The following PASD1 variants were observed in gnomAD, a reference collection of about 807,000 sequenced individuals.
PASD1 encodes PAS domain containing repressor 1.
A neutral mutation model predicts 58.8 loss-of-function variants in PASD1; 13 were observed. The ratio of observed to expected loss-of-function variants is 0.22; its 90% CI spans 0.14 to 0.35. PASD1 has a LOEUF of 0.35. Among genes scored for constraint, PASD1 ranks in the 10% least tolerant of loss-of-function variants. The pLI is 1.00. For missense variants in PASD1, 734 were observed against 568.3 expected (o/e 1.29, Z -2.96); for synonymous variants, 236 against 216.7 (o/e 1.09, Z -0.78).
At chrX:151,582,049 C>T (rs1185480986) in intron 1 of PASD1, among the ~76,000 whole-genome samples, 4 of 94,341 alleles carry the variant, frequency 4.2e-5, no homozygotes, top group East Asian at 3.4e-4. Flanking sequence ...TGCAGTGGCA[C>T]GATCTCAGCT....
At chrX:151,582,608 A>G (rs2013113950) in intron 1 of PASD1, among the ~76,000 whole-genome samples, 1 of 111,601 alleles carries the variant, frequency 9.0e-6, no homozygotes, top group Non-Finnish European at 1.9e-5. Flanking sequence ...GGGGGAAGTG[A>G]TGAGGCAAGG....
chrX:151,612,849 C>G (rs1202528386), intron 4 of PASD1, among the ~76,000 whole-genome samples: 2 of 111,922 alleles, frequency 1.8e-5, no homozygotes, highest in African/African-American at 6.5e-5. Context: ...ATTTTGGCTT[C>G]TGTTGCCATT....
intron 1 of PASD1, among the ~76,000 whole-genome samples, chrX:151,568,016 C>G (rs1429862187): frequency 1.8e-5 from 2 of 112,238 alleles, no homozygotes; most frequent in Non-Finnish European, 3.8e-5. Flanking sequence ...TGAGCCACCA[C>G]GCCCGAACAA....
chrX:151,621,639 T>C (rs1159569406), intron 6 of PASD1, 47 bp downstream of exon 6: 1 of 879,275 alleles, frequency 1.1e-6, no homozygotes, highest in Admixed American at 2.6e-5. Context: ...ATGAGTCATG[T>C]AGCCTCACAT....
intron 9 of PASD1, among the ~76,000 whole-genome samples, chrX:151,652,656 C>T (rs1416328806): frequency 9.0e-6 from 1 of 110,832 alleles, no homozygotes; most frequent in Non-Finnish European, 1.9e-5. Flanking sequence ...TGCAAGAGGT[C>T]GGGGAGTACA....
At chrX:151,614,333 G>T (rs751288387) in intron 4 of PASD1, among the ~76,000 whole-genome samples, 1 of 111,124 alleles carries the variant, frequency 9.0e-6, no homozygotes, top group East Asian at 2.8e-4. Flanking sequence ...ATCTCCAAAG[G>T]CCCCACCTCT....
chrX:151,663,462 T>G (rs994724870), intron 10 of PASD1, among the ~76,000 whole-genome samples: 1 of 112,392 alleles, frequency 8.9e-6, no homozygotes, highest in African/African-American at 3.2e-5. Flanking sequence ...TAAAAGAACA[T>G]CTGGATTGTT....
intron 14 of PASD1, chrX:151,673,617 A>C (rs2014505814): frequency 2.9e-6 from 1 of 343,621 alleles, no homozygotes; most frequent in African/African-American, 2.6e-5. Context: ...TAGCTCCCTG[A>C]GTGCTTTCAA....
At chrX:151,579,198 A>G (rs1484522689) in intron 1 of PASD1, among the ~76,000 whole-genome samples, 2 of 112,227 alleles carry the variant, frequency 1.8e-5, no homozygotes, top group Admixed American at 9.5e-5. Context: ...ATCTGTTTAT[A>G]TTGTGTATAA....
At chrX:151,569,881 T>C (rs1047055162) in intron 1 of PASD1, among the ~76,000 whole-genome samples, 2 of 111,072 alleles carry the variant, frequency 1.8e-5, no homozygotes, top group Non-Finnish European at 3.8e-5. Context: ...CTTTTTCTAA[T>C]TTGAGAACAA....
At chrX:151,614,884 T>C (rs774949901) in intron 4 of PASD1, among the ~76,000 whole-genome samples, 2 of 112,196 alleles carry the variant, frequency 1.8e-5, no homozygotes, top group Non-Finnish European at 3.8e-5. Flanking sequence ...TTATTTCTCA[T>C]TCTCTTTCAT....
chrX:151,612,660 G>T (rs1262692860), intron 4 of PASD1, among the ~76,000 whole-genome samples: 2 of 110,725 alleles, frequency 1.8e-5, no homozygotes, highest in African/African-American at 6.6e-5. Context: ...TTGTTGATGG[G>T]GCTGTTTGTT....
intron 11 of PASD1, among the ~76,000 whole-genome samples, chrX:151,669,673 A>G (rs56852444): frequency 0.21 from 22,974 of 110,723 alleles, 2,411 homozygotes; most frequent in East Asian, 0.89. Context: ...GGCTTATTTC[A>G]CTTAACATAA....
rs2014544855 is a variant in PASD1 at position 151,676,261 on chromosome X, A to G, written c.*118A>G. 6.1e-5 allele frequency: 45 copies of G among 742,744 alleles called. No homozygotes were observed. The highest frequency in any genetic ancestry group is 4.9e-4 in the Middle Eastern group (1 of 2,049). 61.2% of individuals were successfully genotyped at this position (742,744 alleles called of 1,213,427 possible). A position where few individuals can be genotyped will look rare whatever the true frequency, so the allele number is the denominator to read the frequency against. On this transcript the variant is annotated 3_prime_UTR_variant, in exon 16 of 16. Coordinates refer to ENST00000370357, the MANE Select transcript of PASD1 (RefSeq NM_173493.3). The stretch of plus-strand genomic sequence containing the variant: ...TCCCTTGGGGTAGGGTTTAGTGGGT[A>G]GAGACTTATTTGTTTCCTGATAGGT...
intron 9 of PASD1, among the ~76,000 whole-genome samples, chrX:151,650,220 C>T (rs1458232420): frequency 1.8e-5 from 2 of 111,105 alleles, no homozygotes; most frequent in Admixed American, 9.6e-5. Flanking sequence ...TTCATCAGCC[C>T]GTCAGTAAAT....
chrX:151,641,736 A>G (rs1055961568), intron 8 of PASD1, among the ~76,000 whole-genome samples: 17 of 110,261 alleles, frequency 1.5e-4, no homozygotes, highest in African/African-American at 5.6e-4. Context: ...AGGGTACATT[A>G]TTTCCTGAGT....
At chrX:151,669,118 TTTTG>T (rs1014333704) in intron 11 of PASD1, among the ~76,000 whole-genome samples, 10 of 107,535 alleles carry the variant, frequency 9.3e-5, no homozygotes, top group Non-Finnish European at 1.3e-4. Flanking sequence ...TTTCTTAGAA[TTTTG>T]TTTATTTTTG....
intron 12 of PASD1, 23 bp downstream of exon 12, chrX:151,671,219 A>G (rs1301831931): frequency 8.3e-7 from 1 of 1,205,599 alleles, no homozygotes; most frequent in Non-Finnish European, 1.1e-6. Flanking sequence ...GCTAGGTTTC[A>G]GGTCAGAGAC....
chrX:151,602,221 A>C (rs1162390606), intron 2 of PASD1, among the ~76,000 whole-genome samples: 1 of 111,714 alleles, frequency 9.0e-6, no homozygotes. Flanking sequence ...AGAACTCTTG[A>C]ACTTACTCTA....
Sources: gnomAD v4.1 joint callset for allele counts (sites outside exome capture counted in the v4.1 genomes callset) on GRCh38, gnomAD v4.1.1 for gene constraint, MANE v1.5 for transcripts, NCBI Gene and HGNC (gene_info 2026-07-23, HGNC 2026-07-21) for gene names.